Variants in SLC47A1 observed in about 807,000 individuals in gnomAD.
SLC47A1 encodes multidrug and toxin extrusion protein 1.
SLC47A1 carries 58 observed loss-of-function variants against 65.8 expected under a neutral mutation model. The ratio of observed to expected loss-of-function variants is 0.88; its 90% CI spans 0.71 to 1.10. SLC47A1 has a LOEUF of 1.10. SLC47A1 is among the 50% of genes least tolerant of loss of function. The pLI is 0.00. For synonymous variants in SLC47A1, 285 were observed against 295.0 expected, an observed-to-expected ratio of 0.97 and a Z score of 0.35; for missense variants, 706 against 719.2, an observed-to-expected ratio of 0.98 and a Z score of 0.21.
chr17:19,564,950 C>T (rs1457555227), intron 12 of SLC47A1, among the ~76,000 whole-genome samples: 1 of 152,154 alleles, frequency 6.6e-6, no homozygotes, highest in African/African-American at 2.4e-5. Flanking sequence ...AACTCACCAC[C>T]TCAGGTGATC....
At chr17:19,544,995 C>T (rs77488629) in intron 2 of SLC47A1, among the ~76,000 whole-genome samples, 2,233 of 152,304 alleles carry the variant, frequency 0.015, 32 homozygotes, top group Middle Eastern at 0.027. Context: ...AAATCAGTCT[C>T]TCTGAGGAGT....
At chr17:19,542,557 T>G (rs1033415889) in intron 2 of SLC47A1, 63 bp downstream of exon 2, 80 of 1,298,618 alleles carry the variant, frequency 6.2e-5, no homozygotes, top group Non-Finnish European at 8.6e-6. Context: ...GCTGCTACTA[T>G]AACAAATCAT....
At chr17:19,575,882 A>G (rs1230201819) in intron 16 of SLC47A1, among the ~76,000 whole-genome samples, 1 of 152,172 alleles carries the variant, frequency 6.6e-6, no homozygotes, top group Non-Finnish European at 1.5e-5. Context: ...ACCATGCAAA[A>G]GGGAAGAATC....
rs1475475990 is a variant in SLC47A1 at position 19,566,875 on chromosome 17, T to A, written c.1176+16T>A. 3 of 1,613,660 alleles carry A rather than the reference T, an allele frequency of 1.9e-6. No homozygotes were observed. The highest frequency in any genetic ancestry group is 3.3e-5 in the Admixed American group (2 of 60,010). ...AGCTCTTGCTGTAAGTATTATGTAG[T>A]AGTCCCCTAAGCACTGTTATGATCT... On this transcript the variant is annotated intron_variant, in intron 13 of 16. Transcript: ENST00000270570.
At chr17:19,568,754 CCTGT>C (rs1175411088) in intron 14 of SLC47A1, among the ~76,000 whole-genome samples, 3 of 152,190 alleles carry the variant, frequency 2.0e-5, no homozygotes, top group East Asian at 1.9e-4. Context: ...ACTTATTCTT[CCTGT>C]CTATCAGAAA....
intron 14 of SLC47A1, 78 bp downstream of exon 14, chr17:19,567,306 A>G: frequency 6.3e-7 from 1 of 1,591,062 alleles, no homozygotes; most frequent in South Asian, 1.1e-5. Flanking sequence ...CGGGTCTTTG[A>G]CTGAGGCTCA....
In SLC47A1 at chr17:19,572,477, G is replaced by T. The variant is rs117621892; in HGVS notation, c.1405-303G>T. Among the ~76,000 whole-genome samples the T allele has an allele frequency of 9.0e-3, 1,368 of 151,950 alleles. 57 individuals are homozygous for T. The highest frequency in any genetic ancestry group is 0.063 in the East Asian group (325 of 5,162). ...CCTGGCTGTTTTTTTTGTTGTTGTTGTTATTTTTTTGTTTTTAATTTTTTA... is the reference window on the plus strand; with the variant it reads ...CCTGGCTGTTTTTTTTGTTGTTGTTTTTATTTTTTTGTTTTTAATTTTTTA... On this transcript the variant is annotated intron_variant, in intron 15 of 16. Transcript: ENST00000270570.
intron 1 of SLC47A1, among the ~76,000 whole-genome samples, chr17:19,537,811 A>G (rs1916033358): frequency 6.6e-6 from 1 of 151,848 alleles, no homozygotes; most frequent in South Asian, 2.1e-4. Context: ...TCTCGTCCCT[A>G]TCTCCTGGTT....
chr17:19,545,843 G>T (rs117267244), intron 2 of SLC47A1, among the ~76,000 whole-genome samples: 1 of 152,090 alleles, frequency 6.6e-6, no homozygotes, highest in East Asian at 1.9e-4. Context: ...CCCATCTGTA[G>T]GAACAGTGGG....
At chr17:19,546,357 C>G in intron 2 of SLC47A1, 78 bp from the exon 3 acceptor site, 2 of 1,429,502 alleles carry the variant, frequency 1.4e-6, no homozygotes, top group East Asian at 2.3e-5. Flanking sequence ...TTTGCAGGCT[C>G]TTATCAATAC....
At chr17:19,562,820 C>A (rs563306463) in intron 12 of SLC47A1, among the ~76,000 whole-genome samples, 1 of 152,188 alleles carries the variant, frequency 6.6e-6, no homozygotes, top group East Asian at 1.9e-4. Flanking sequence ...ATCAGAAACT[C>A]AACAATCAAA....
chr17:19,575,716 C>G (rs1405458398), intron 16 of SLC47A1, among the ~76,000 whole-genome samples: 1 of 152,086 alleles, frequency 6.6e-6, no homozygotes, highest in African/African-American at 2.4e-5. Context: ...TCTTACTGTT[C>G]TGAAGTGTCT....
intron 14 of SLC47A1, among the ~76,000 whole-genome samples, chr17:19,568,558 T>C (rs1188890308): frequency 6.6e-6 from 1 of 152,242 alleles, no homozygotes; most frequent in Non-Finnish European, 1.5e-5. Context: ...AAATTATAGT[T>C]GTATACATTT....
intron 15 of SLC47A1, 106 bp downstream of exon 15, chr17:19,571,678 A>T: frequency 1.2e-6 from 1 of 801,238 alleles, no homozygotes; most frequent in Admixed American, 2.6e-5. Context: ...CATTTTCTTT[A>T]TTCTTATCTC....
chr17:19,534,222 G>C (rs375767460), intron 1 of SLC47A1, 148 bp downstream of exon 1: 1 of 1,059,804 alleles, frequency 9.4e-7, no homozygotes, highest in African/African-American at 1.7e-5. Flanking sequence ...GGAGCCGGGC[G>C]GGCACCCCAG....
chr17:19,542,797 T>G (rs1343585583), intron 2 of SLC47A1, among the ~76,000 whole-genome samples: 3 of 23,002 alleles, frequency 1.3e-4, no homozygotes, highest in African/African-American at 3.7e-4. Flanking sequence ...ATTTTGTTGT[T>G]TTTTTTTTTT....
intron 12 of SLC47A1, among the ~76,000 whole-genome samples, chr17:19,563,727 G>A (rs1173275090): frequency 3.3e-5 from 5 of 152,064 alleles, no homozygotes; most frequent in Admixed American, 6.5e-5. Flanking sequence ...GGTGGCTCAC[G>A]CCTGTAATCC....
intron 2 of SLC47A1, among the ~76,000 whole-genome samples, chr17:19,545,512 A>G (rs554941810): frequency 5.2e-4 from 77 of 148,364 alleles, no homozygotes; most frequent in Middle Eastern, 7.2e-3. Flanking sequence ...TTTTTTTGAG[A>G]CAGGGTCTCA....
chr17:19,543,987 G>T (rs927864628), intron 2 of SLC47A1, among the ~76,000 whole-genome samples: 1 of 152,068 alleles, frequency 6.6e-6, no homozygotes, highest in African/African-American at 2.4e-5. Context: ...ATGGAGTCTC[G>T]CTCTGTCGCC....
Sources: gnomAD v4.1 joint callset for allele counts (sites outside exome capture counted in the v4.1 genomes callset) on GRCh38, gnomAD v4.1.1 for gene constraint, MANE v1.5 for transcripts, NCBI Gene and HGNC (gene_info 2026-07-23, HGNC 2026-07-21) for gene names.